Variants in MSRA observed in about 807,000 individuals in gnomAD.
MSRA encodes methionine sulfoxide reductase A.
A neutral mutation model predicts 31.3 loss-of-function variants in MSRA; 54 were observed. That is an observed-to-expected ratio of 1.73 (90% CI 1.39 to 2.17). MSRA has a LOEUF of 2.17. Among genes scored for constraint, MSRA ranks in the 30% most tolerant of loss-of-function variants. The probability of loss-of-function intolerance (pLI) is 0.00; values close to 1 mark genes in which losing one functional copy is unlikely to be tolerated. For missense variants in MSRA, 507 were observed against 300.9 expected, an observed-to-expected ratio of 1.69 and a Z score of -5.07; for synonymous variants, 169 against 116.5, an observed-to-expected ratio of 1.45 and a Z score of -2.90.
intron 1 of MSRA, among the ~76,000 whole-genome samples, chr8:10,074,601 T>C (rs1414558778): frequency 1.3e-5 from 2 of 152,176 alleles, no homozygotes; most frequent in African/African-American, 4.8e-5. Flanking sequence ...ATTTTCCAGC[T>C]TGCTTGATCT....
intron 5 of MSRA, among the ~76,000 whole-genome samples, chr8:10,345,580 A>G (rs955664489): frequency 6.6e-6 from 1 of 152,262 alleles, no homozygotes; most frequent in African/African-American, 2.4e-5. Flanking sequence ...GTAGAGGACT[A>G]TACCAATGGG....
chr8:10,098,545 G>C (rs181638871), intron 1 of MSRA, among the ~76,000 whole-genome samples: 2 of 152,196 alleles, frequency 1.3e-5, no homozygotes, highest in African/African-American at 4.8e-5. Context: ...ATGGAAGAGG[G>C]AATAGATTTA....
intron 1 of MSRA, among the ~76,000 whole-genome samples, chr8:10,121,318 G>C (rs1801089081): frequency 6.6e-6 from 1 of 152,208 alleles, no homozygotes; most frequent in Non-Finnish European, 1.5e-5. Flanking sequence ...AGGGCCTGGA[G>C]AAGGACTTGT....
intron 1 of MSRA, among the ~76,000 whole-genome samples, chr8:10,156,809 C>CTTTTTTTTTTTTTTT (rs58761026): frequency 8.0e-6 from 1 of 125,060 alleles, no homozygotes; most frequent in African/African-American, 3.0e-5. Flanking sequence ...AGCTTCATTC[C>CTTTTTTTTTTTTTTT]TTTTTTTTTT....
intron 1 of MSRA, among the ~76,000 whole-genome samples, chr8:10,060,238 A>G (rs1338203263): frequency 6.6e-6 from 1 of 152,244 alleles, no homozygotes; most frequent in East Asian, 1.9e-4. Context: ...GGCTAGTTAC[A>G]TAAATTACAG....
chr8:10,279,248 C>G (rs1799489409), intron 3 of MSRA, among the ~76,000 whole-genome samples: 1 of 152,174 alleles, frequency 6.6e-6, no homozygotes, highest in Admixed American at 6.5e-5. Flanking sequence ...CATGTAGCCA[C>G]TCAGCATAAC....
chr8:10,237,569 A>G (rs1352664872), intron 2 of MSRA, among the ~76,000 whole-genome samples: 5 of 152,246 alleles, frequency 3.3e-5, no homozygotes, highest in Non-Finnish European at 7.3e-5. Flanking sequence ...GCCAAGAGTA[A>G]CAAAGAAAAA....
intron 2 of MSRA, among the ~76,000 whole-genome samples, chr8:10,212,203 A>C (rs1585181262): frequency 6.6e-6 from 1 of 152,020 alleles, no homozygotes; most frequent in Non-Finnish European, 1.5e-5. Flanking sequence ...AAAAAAATTT[A>C]AACTTTACTA....
chr8:10,259,079 C>T (rs1192927983), intron 3 of MSRA, among the ~76,000 whole-genome samples: 9 of 149,284 alleles, frequency 6.0e-5, no homozygotes, highest in Non-Finnish European at 4.4e-5. Flanking sequence ...TGCACTCCAG[C>T]TTGGGTGACA....
chr8:10,258,202 C>T (rs954506764), intron 3 of MSRA, among the ~76,000 whole-genome samples: 20 of 152,150 alleles, frequency 1.3e-4, no homozygotes, highest in African/African-American at 4.1e-4. Flanking sequence ...CCAGAATGGA[C>T]GCAGGGACAG....
intron 3 of MSRA, among the ~76,000 whole-genome samples, chr8:10,275,300 A>C (rs760351242): frequency 6.6e-6 from 1 of 152,212 alleles, no homozygotes; most frequent in East Asian, 1.9e-4. Flanking sequence ...AATCTTAAGG[A>C]ACAGCTCTCT....
chr8:10,182,461 G>A (rs1328359328), intron 1 of MSRA, among the ~76,000 whole-genome samples: 2 of 152,208 alleles, frequency 1.3e-5, no homozygotes, highest in African/African-American at 4.8e-5. Flanking sequence ...CTACCCTCAA[G>A]ATGTTAGATA....
intron 3 of MSRA, among the ~76,000 whole-genome samples, chr8:10,254,067 C>A (rs967015728): frequency 6.6e-6 from 1 of 152,002 alleles, no homozygotes; most frequent in East Asian, 1.9e-4. Flanking sequence ...GAGTTATTTA[C>A]AAACCACCGA....
At chr8:10,205,308 T>A (rs1808860781) in intron 1 of MSRA, among the ~76,000 whole-genome samples, 1 of 148,720 alleles carries the variant, frequency 6.7e-6, no homozygotes, top group African/African-American at 2.5e-5. Context: ...AAAAAAGAAG[T>A]GAGGGGGATG....
At position 10,374,966 on chromosome 8, in the gene MSRA, C is replaced by T. The variant is rs149275563; in HGVS notation, c.544-53182C>T. Among the ~76,000 whole-genome samples, 62 of 152,334 alleles carry T rather than the reference C, an allele frequency of 4.1e-4. No homozygotes were observed. In the East Asian group the frequency reaches 7.1e-3, roughly 18 times the overall value. On this transcript the variant is annotated intron_variant, in intron 5 of 5. Transcript: ENST00000317173. ...CTCCTCTCTCTCTTGCTCCCTCTCT[C>T]ACTATGCGATATGCCTGCTTCCCCT... is the stretch of plus-strand genomic sequence containing the variant.
chr8:10,224,291 C>T (rs1342999917), intron 2 of MSRA, among the ~76,000 whole-genome samples: 1 of 152,110 alleles, frequency 6.6e-6, no homozygotes, highest in Non-Finnish European at 1.5e-5. Flanking sequence ...ATAGGATCAT[C>T]TTTGCATGTT....
intron 5 of MSRA, among the ~76,000 whole-genome samples, chr8:10,405,947 C>T (rs1455154227): frequency 6.6e-6 from 1 of 152,278 alleles, no homozygotes; most frequent in South Asian, 2.1e-4. Flanking sequence ...CTCACACACA[C>T]ACATGTGATG....
intron 1 of MSRA, among the ~76,000 whole-genome samples, chr8:10,107,962 C>G (rs550769459): frequency 6.6e-6 from 1 of 152,272 alleles, no homozygotes; most frequent in East Asian, 1.9e-4. Context: ...GGAAATTCTT[C>G]CTCATATTTA....
At chr8:10,173,854 G>A (rs1265453655) in intron 1 of MSRA, among the ~76,000 whole-genome samples, 1 of 152,200 alleles carries the variant, frequency 6.6e-6, no homozygotes, top group African/African-American at 2.4e-5. Context: ...ACACCAGGCA[G>A]CATTTGTCTG....
Sources: allele counts gnomAD v4.1 joint callset (sites outside exome capture counted in the v4.1 genomes callset), GRCh38; gene constraint gnomAD v4.1.1; transcripts MANE v1.5; gene names NCBI Gene and HGNC (gene_info 2026-07-23, HGNC 2026-07-21).